NEK7: variants seen among roughly 807,000 people sequenced by gnomAD.
NEK7 encodes NIMA related kinase 7.
A neutral mutation model predicts 44.6 loss-of-function variants in NEK7; 18 were observed. The observed-to-expected ratio is 0.40, with a 90% CI of 0.28 to 0.60. NEK7 has a LOEUF of 0.60. NEK7 is among the 20% of genes least tolerant of loss of function. The pLI, the probability that NEK7 is intolerant of heterozygous loss-of-function variation, is 0.38. For synonymous variants in NEK7, 130 were observed against 121.1 expected (o/e 1.07, Z -0.48); for missense variants, 256 against 366.5 (o/e 0.70, Z 2.46).
At chr1:198,256,887 C>G (rs566043189) in intron 3 of NEK7, among the ~76,000 whole-genome samples, 1 of 152,238 alleles carries the variant, frequency 6.6e-6, no homozygotes, top group African/African-American at 2.4e-5. Flanking sequence ...TATATGCAAT[C>G]TCTATTTTAT....
rs565798530 is a variant in NEK7 at position 198,230,209 on chromosome 1, C to T, written c.-28-2344C>T. 1.8e-4 allele frequency among the ~76,000 whole-genome samples: 28 copies of T among 152,018 alleles called. No homozygotes were observed. The South Asian group carries it at 4.8e-3, about 26-fold the overall frequency. ...TCTTGTGAAACTGTCTGTGGGACAC[C>T]GGGTATGAAATGTTGATTTTAATAT... is the stretch of plus-strand genomic sequence containing the variant. On this transcript the variant is annotated intron_variant, in intron 1 of 9. Transcript: ENST00000367385.
chr1:198,227,555 G>A (rs953919275), intron 1 of NEK7, among the ~76,000 whole-genome samples: 2 of 152,054 alleles, frequency 1.3e-5, no homozygotes, highest in African/African-American at 2.4e-5. Context: ...TTTAATGATC[G>A]CCATTCTAAC....
chr1:198,266,206 A>C (rs945754860), intron 5 of NEK7, among the ~76,000 whole-genome samples: 3 of 152,104 alleles, frequency 2.0e-5, no homozygotes, highest in African/African-American at 7.2e-5. Flanking sequence ...ACAAAGCCTT[A>C]TCTACATCAA....
intron 3 of NEK7, among the ~76,000 whole-genome samples, chr1:198,254,036 C>CT (rs1308426708): frequency 3.3e-5 from 5 of 151,758 alleles, no homozygotes; most frequent in Admixed American, 1.3e-4. Flanking sequence ...ACTCTTTTAT[C>CT]TTTTTTCTGC....
intron 9 of NEK7, among the ~76,000 whole-genome samples, chr1:198,315,046 G>C (rs1443224495): frequency 6.6e-6 from 1 of 152,186 alleles, no homozygotes; most frequent in Non-Finnish European, 1.5e-5. Context: ...CCGCCACCTT[G>C]CAGTTTGATC....
At chr1:198,193,061 A>G (rs1313059301) in intron 1 of NEK7, among the ~76,000 whole-genome samples, 3 of 151,718 alleles carry the variant, frequency 2.0e-5, no homozygotes, top group Non-Finnish European at 2.9e-5. Flanking sequence ...ATAGACTGGT[A>G]GCTAAACTAA....
rs190590319 is a variant in NEK7 at position 198,261,880 on chromosome 1, T to A, written c.199-695T>A. ...ATTTCTTCCTAATTACCTCTACCCA[T>A]GAAATTTTAATTCCACAAATACAGT... On this transcript the variant is annotated intron_variant, in intron 3 of 9. Transcript: ENST00000367385. 5.3e-5 allele frequency among the ~76,000 whole-genome samples: 8 copies of A among 152,076 alleles called. No individual in the cohort carries two copies. In the East Asian group the frequency reaches 1.5e-3, roughly 29 times the overall value.
At chr1:198,191,356 A>G (rs1019770750) in intron 1 of NEK7, among the ~76,000 whole-genome samples, 2 of 151,980 alleles carry the variant, frequency 1.3e-5, no homozygotes, top group African/African-American at 2.4e-5. Context: ...AGCCCATCTG[A>G]TAAGTATGAA....
intron 1 of NEK7, among the ~76,000 whole-genome samples, chr1:198,188,424 TCA>T (rs1664980085): frequency 6.6e-6 from 1 of 152,122 alleles, no homozygotes; most frequent in Admixed American, 6.6e-5. Context: ...TGATGGCCCT[TCA>T]TGGTGGTTAT....
intron 1 of NEK7, among the ~76,000 whole-genome samples, chr1:198,186,163 T>C (rs978175055): frequency 6.6e-6 from 1 of 152,220 alleles, no homozygotes; most frequent in Non-Finnish European, 1.5e-5. Context: ...TTTTTACTTG[T>C]GAAAGGATGT....
At chr1:198,317,879 T>TTA (rs1553258418) in intron 9 of NEK7, among the ~76,000 whole-genome samples, 5 of 76,314 alleles carry the variant, frequency 6.6e-5, no homozygotes, top group African/African-American at 2.0e-4. Context: ...ATATATTTAT[T>TTA]TTTTTTTTTT....
rs183647734 is a variant in NEK7, at chr1:198,214,289, A to G, written c.-28-18264A>G. Among the ~76,000 whole-genome samples, 45 of 152,346 alleles carry G rather than the reference A, an allele frequency of 3.0e-4. No individual in the cohort carries two copies. In the Middle Eastern group the frequency reaches 0.017, roughly 58 times the overall value. The stretch of plus-strand genomic sequence containing the variant: ...AAAAATAGGGTTCTATAACACCCCT[A>G]AAAGATCACAGTAACTTTCCAGCAG... On this transcript the variant is annotated intron_variant, in intron 1 of 9. Coordinates refer to ENST00000367385, the MANE Select transcript of NEK7 (RefSeq NM_133494.3).
chr1:198,238,814 TATCTC>T (rs1666608013), intron 2 of NEK7, among the ~76,000 whole-genome samples: 2 of 152,360 alleles, frequency 1.3e-5, no homozygotes, highest in African/African-American at 4.8e-5. Flanking sequence ...TGAACAGTCT[TATCTC>T]CTCAATTACT....
intron 2 of NEK7, among the ~76,000 whole-genome samples, chr1:198,247,371 C>T (rs1266170697): frequency 6.6e-6 from 1 of 152,064 alleles, no homozygotes; most frequent in Non-Finnish European, 1.5e-5. Context: ...TGCTTAATAA[C>T]CTGGCAGTGT....
intron 9 of NEK7, among the ~76,000 whole-genome samples, chr1:198,317,877 AT>A (rs34704209): frequency 2.8e-4 from 20 of 70,268 alleles, no homozygotes; most frequent in East Asian, 2.0e-3. Context: ...GGATATATTT[AT>A]TTTTTTTTTT....
At chr1:198,164,653 G>T (rs1271058080) in intron 1 of NEK7, among the ~76,000 whole-genome samples, 1 of 152,110 alleles carries the variant, frequency 6.6e-6, no homozygotes, top group Non-Finnish European at 1.5e-5. Flanking sequence ...AAATGCTAAC[G>T]ATCATCTGAA....
At chr1:198,318,990 C>G (rs1571628649) in intron 9 of NEK7, among the ~76,000 whole-genome samples, 5 of 151,918 alleles carry the variant, frequency 3.3e-5, no homozygotes, top group African/African-American at 2.4e-5. Flanking sequence ...AAATGTATGT[C>G]AACTCTAATT....
At chr1:198,258,967 T>G (rs1436397455) in intron 3 of NEK7, among the ~76,000 whole-genome samples, 1 of 152,176 alleles carries the variant, frequency 6.6e-6, no homozygotes, top group Non-Finnish European at 1.5e-5. Context: ...TATTTATTTT[T>G]GTCTTGACTT....
At chr1:198,188,576 C>T (rs1471491086) in intron 1 of NEK7, among the ~76,000 whole-genome samples, 2 of 151,986 alleles carry the variant, frequency 1.3e-5, no homozygotes, top group African/African-American at 4.8e-5. Flanking sequence ...TTGACCCGTG[C>T]CACTAGCTAC....
Sources: gnomAD v4.1 joint callset for allele counts (sites outside exome capture counted in the v4.1 genomes callset) on GRCh38, gnomAD v4.1.1 for gene constraint, MANE v1.5 for transcripts, NCBI Gene and HGNC (gene_info 2026-07-23, HGNC 2026-07-21) for gene names.